The following TMEM132D variants were observed in gnomAD, a reference collection of about 807,000 sequenced individuals.
TMEM132D encodes the protein mature OL transmembrane protein.
A neutral mutation model predicts 62.3 loss-of-function variants in TMEM132D; 21 were observed. That is an observed-to-expected ratio of 0.34 (90% CI 0.24 to 0.49). The LOEUF (loss-of-function observed/expected upper bound fraction) is 0.49. Ranked by LOEUF, TMEM132D falls within the 20% of genes least tolerant of loss-of-function variation. The probability of loss-of-function intolerance (pLI) is 0.99; values close to 1 mark genes in which losing one functional copy is unlikely to be tolerated. For missense variants in TMEM132D, 1,346 were observed against 1,402.8 expected (o/e 0.96, Z 0.65); for synonymous variants, 621 against 575.6 (o/e 1.08, Z -1.13).
intron 1 of TMEM132D, among the ~76,000 whole-genome samples, chr12:129,797,546 C>T (rs1027477621): frequency 6.6e-6 from 1 of 152,134 alleles, no homozygotes; most frequent in Non-Finnish European, 1.5e-5. Context: ...TGGAGGGGCT[C>T]TGGGTTGGGA....
At chr12:129,798,773 AC>A (rs1871647231) in intron 1 of TMEM132D, among the ~76,000 whole-genome samples, 1 of 30,908 alleles carries the variant, frequency 3.2e-5, no homozygotes, top group East Asian at 6.9e-4. Context: ...GGGAGATAAG[AC>A]TGAGAAGGAA....
intron 3 of TMEM132D, among the ~76,000 whole-genome samples, chr12:129,515,361 TAAATGAATGAAC>T (rs1025867545): frequency 3.9e-5 from 6 of 152,118 alleles, no homozygotes; most frequent in East Asian, 1.9e-4. Context: ...TATGAATAGA[TAAATGAATGAAC>T]AAATGAATGA....
chr12:129,362,545 C>T (rs889785220), intron 3 of TMEM132D, among the ~76,000 whole-genome samples: 4 of 151,830 alleles, frequency 2.6e-5, no homozygotes, highest in South Asian at 2.1e-4. Flanking sequence ...AAAACATATT[C>T]GCCTGGAAAT....
chr12:129,618,547 C>T (rs1357870127), intron 2 of TMEM132D, among the ~76,000 whole-genome samples: 1 of 152,178 alleles, frequency 6.6e-6, no homozygotes, highest in Non-Finnish European at 1.5e-5. Context: ...CTTAAAACTA[C>T]TCATTTCTAC....
At chr12:129,897,441 C>T (rs1038311678) in intron 1 of TMEM132D, among the ~76,000 whole-genome samples, 1 of 152,156 alleles carries the variant, frequency 6.6e-6, no homozygotes, top group African/African-American at 2.4e-5. Context: ...TCTTAGTCTT[C>T]CCTGCCCAGG....
chr12:129,284,613 C>T (rs1040752048), intron 4 of TMEM132D, among the ~76,000 whole-genome samples: 1 of 152,206 alleles, frequency 6.6e-6, no homozygotes, highest in Non-Finnish European at 1.5e-5. Flanking sequence ...CACATGTAAA[C>T]ATATGTTCAT....
At chr12:129,575,422 A>G (rs1475431633) in intron 2 of TMEM132D, among the ~76,000 whole-genome samples, 1 of 151,806 alleles carries the variant, frequency 6.6e-6, no homozygotes, top group Non-Finnish European at 1.5e-5. Context: ...GGTGTTAGAC[A>G]TCTCTCACTA....
chr12:129,654,625 C>T (rs920265733), intron 2 of TMEM132D, among the ~76,000 whole-genome samples: 3 of 152,184 alleles, frequency 2.0e-5, no homozygotes, highest in African/African-American at 7.2e-5. Context: ...AAAATTCATG[C>T]TTTGTGACGC....
At chr12:129,334,149 A>G (rs1032575203) in intron 4 of TMEM132D, among the ~76,000 whole-genome samples, 3 of 152,108 alleles carry the variant, frequency 2.0e-5, no homozygotes, top group African/African-American at 7.2e-5. Flanking sequence ...TAATGAAAAA[A>G]ATTTTTAAAT....
chr12:129,283,909 T>C (rs3850009), intron 4 of TMEM132D, among the ~76,000 whole-genome samples: 88,981 of 152,114 alleles, frequency 0.58, 26,789 homozygotes, highest in Non-Finnish European at 0.66. Context: ...ACCCCTTGAA[T>C]ATGAACTTGC....
At chr12:129,878,557 C>T (rs145422574) in intron 1 of TMEM132D, among the ~76,000 whole-genome samples, 32 of 150,892 alleles carry the variant, frequency 2.1e-4, no homozygotes, top group African/African-American at 7.8e-4. Flanking sequence ...TGGGGTGTCA[C>T]CCCAAGTGTC....
chr12:129,531,574 AAAAGT>A (rs1246275503), intron 2 of TMEM132D, among the ~76,000 whole-genome samples: 1 of 152,244 alleles, frequency 6.6e-6, no homozygotes, highest in African/African-American at 2.4e-5. Flanking sequence ...ATGAAAATGC[AAAAGT>A]AAAGACTGAA....
At chr12:129,472,530 T>C (rs1275308921) in intron 3 of TMEM132D, among the ~76,000 whole-genome samples, 5 of 152,086 alleles carry the variant, frequency 3.3e-5, no homozygotes, top group African/African-American at 1.2e-4. Context: ...AGCAAACCAC[T>C]ATGGCAGGTG....
intron 2 of TMEM132D, among the ~76,000 whole-genome samples, chr12:129,630,993 A>G (rs887141070): frequency 3.9e-5 from 6 of 152,124 alleles, no homozygotes. Flanking sequence ...AATGGAATCA[A>G]TCGGAATGCC....
intron 1 of TMEM132D, among the ~76,000 whole-genome samples, chr12:129,829,574 C>T (rs1872766859): frequency 6.6e-6 from 1 of 152,136 alleles, no homozygotes; most frequent in Non-Finnish European, 1.5e-5. Flanking sequence ...CTGAGCCACT[C>T]CTGGGACAGT....
chr12:129,835,877 G>A (rs1872989292), intron 1 of TMEM132D, among the ~76,000 whole-genome samples: 1 of 152,162 alleles, frequency 6.6e-6, no homozygotes, highest in Non-Finnish European at 1.5e-5. Context: ...CCCTCTAGGG[G>A]CTCTCTTCCC....
chr12:129,404,291 C>G (rs577389671), intron 3 of TMEM132D, among the ~76,000 whole-genome samples: 11 of 152,064 alleles, frequency 7.2e-5, no homozygotes, highest in Admixed American at 3.3e-4. Flanking sequence ...CTCCACCTCC[C>G]GGGTTCAAGT....
At chr12:129,677,938 T>C (rs897170167) in intron 2 of TMEM132D, among the ~76,000 whole-genome samples, 2 of 152,138 alleles carry the variant, frequency 1.3e-5, no homozygotes, top group Admixed American at 1.3e-4. Flanking sequence ...TATAAATGTA[T>C]TTTCTGCAAA....
intron 5 of TMEM132D, among the ~76,000 whole-genome samples, chr12:129,206,318 A>G (rs1476105069): frequency 6.6e-6 from 1 of 152,238 alleles, no homozygotes; most frequent in African/African-American, 2.4e-5. Context: ...TTTCAAAAGA[A>G]GACATATATA....
Sources: gnomAD v4.1 joint callset for allele counts (sites outside exome capture counted in the v4.1 genomes callset) on GRCh38, gnomAD v4.1.1 for gene constraint, MANE v1.5 for transcripts, NCBI Gene and HGNC (gene_info 2026-07-23, HGNC 2026-07-21) for gene names.